LRP5: variants seen among roughly 807,000 people sequenced by gnomAD.
LRP5 encodes low-density lipoprotein receptor-related protein 5.
A neutral mutation model predicts 154.1 loss-of-function variants in LRP5; 62 were observed. That is an observed-to-expected ratio of 0.40 (90% CI 0.33 to 0.50). The LOEUF (loss-of-function observed/expected upper bound fraction) is 0.50. Ranked by LOEUF, LRP5 falls within the 20% of genes least tolerant of loss-of-function variation. LRP5 has a pLI of 0.55. For synonymous variants in LRP5, 966 were observed against 1,011.5 expected (o/e 0.96, Z 0.85); for missense variants, 1,915 against 2,336.7 (o/e 0.82, Z 3.72).
Position 68,396,912 on chromosome 11 carries a change from G to A in LRP5, c.1585-6571G>A, listed in dbSNP as rs560958829. Among the ~76,000 whole-genome samples the A allele has an allele frequency of 6.0e-4, 91 of 152,288 alleles. No homozygotes were observed. The South Asian group carries it at 6.0e-3, about 10-fold the overall frequency. ...CACCACGTGTGAAGCCCGAGTGGTCGTGGGCTGAGGTCCCCTGATTGCATC... is the reference window on the plus strand; with the variant it reads ...CACCACGTGTGAAGCCCGAGTGGTCATGGGCTGAGGTCCCCTGATTGCATC... On this transcript the variant is annotated intron_variant, in intron 7 of 22. Coordinates refer to ENST00000294304, the MANE Select transcript of LRP5 (RefSeq NM_002335.4).
At chr11:68,415,422 C>A (rs2098662008) in intron 12 of LRP5, among the ~76,000 whole-genome samples, 1 of 152,290 alleles carries the variant, frequency 6.6e-6, no homozygotes, top group Non-Finnish European at 1.5e-5. Context: ...CCATTACCTG[C>A]CTTCCGTCTT....
intron 19 of LRP5, among the ~76,000 whole-genome samples, chr11:68,437,869 C>T (rs780072880): frequency 1.3e-5 from 2 of 152,264 alleles, no homozygotes; most frequent in African/African-American, 2.4e-5. Context: ...CCAGGCCTCG[C>T]CGCCAGAGCC....
At position 68,381,786 on chromosome 11, in the gene LRP5, C is replaced by T. The variant is rs527976592; in HGVS notation, c.1016-4530C>T. 1.1e-4 allele frequency among the ~76,000 whole-genome samples: 16 copies of T among 152,346 alleles called. No individual in the cohort carries two copies. In the South Asian group the frequency reaches 3.1e-3, roughly 30 times the overall value. ...GAGTTGGCCTCTCTTCTTTATAGCC[C>T]GGCACAGTCAGTCCCCTGCACCTGC... On this transcript the variant is annotated intron_variant, in intron 5 of 22. Coordinates refer to ENST00000294304, the MANE Select transcript of LRP5 (RefSeq NM_002335.4).
intron 1 of LRP5, among the ~76,000 whole-genome samples, chr11:68,340,708 C>T (rs946146265): frequency 2.0e-5 from 3 of 151,718 alleles, no homozygotes; most frequent in Non-Finnish European, 2.9e-5. Flanking sequence ...TTGTGATGTA[C>T]GGTCCTGAAA....
chr11:68,378,302 G>A (rs1184682090), intron 5 of LRP5, among the ~76,000 whole-genome samples: 1 of 152,194 alleles, frequency 6.6e-6, no homozygotes, highest in Non-Finnish European at 1.5e-5. Flanking sequence ...TCAGGCCGCT[G>A]GGCGACGGTG....
Position 68,433,738 on chromosome 11 carries a change from C to T in LRP5, c.3900C>T (p.Ala1300=), listed in dbSNP as rs539506227. 7 of 1,612,840 alleles carry T rather than the reference C, an allele frequency of 4.3e-6. No homozygotes were observed. The highest frequency in any genetic ancestry group is 3.3e-5 in the South Asian group (3 of 91,062). The change falls in exon 18 of 23, where the codon GCC becomes GCT. Residue 1300 remains alanine, a synonymous_variant. Transcript: ENST00000294304. Reference sequence around the variant, plus strand: ...AGGAGGGCTGCCCCGTGTGCTCCGCCGCCCAGTTCCCCTGCGCGCGGGGTC... The same window carrying T: ...AGGAGGGCTGCCCCGTGTGCTCCGCTGCCCAGTTCCCCTGCGCGCGGGGTC... ...SDEEGCPVCS[A]AQFPCARGQC... is the part of the protein sequence containing the mutation.
intron 17 of LRP5, among the ~76,000 whole-genome samples, chr11:68,432,901 C>A (rs1354812710): frequency 6.6e-6 from 1 of 152,232 alleles, no homozygotes; most frequent in Non-Finnish European, 1.5e-5. Context: ...GGCAGGATGG[C>A]CTCCATGGTC....
intron 17 of LRP5, 142 bp downstream of exon 17, chr11:68,429,842 CCTTT>C: frequency 1.8e-6 from 2 of 1,086,156 alleles, no homozygotes; most frequent in Non-Finnish European, 1.4e-6. Flanking sequence ...CCTTTGCCCT[CCTTT>C]CTTTTCTACT....
intron 1 of LRP5, among the ~76,000 whole-genome samples, chr11:68,318,697 G>T (rs2098594927): frequency 6.6e-6 from 1 of 152,174 alleles, no homozygotes; most frequent in South Asian, 2.1e-4. Context: ...GAGGAAAGTG[G>T]TTTTTAGCCT....
chr11:68,307,595 C>G (rs1323361044), upstream of LRP5, among the ~76,000 whole-genome samples: 1 of 151,348 alleles, frequency 6.6e-6, no homozygotes, highest in Non-Finnish European at 1.5e-5. Context: ...GAGGTTGAGG[C>G]TGCAGTGAGC....
At chr11:68,303,021 C>T in the LRP5 span, among the ~76,000 whole-genome samples, 1 of 152,162 alleles carries the variant, frequency 6.6e-6, no homozygotes, top group South Asian at 2.1e-4. Flanking sequence ...CCTTGAGGAG[C>T]GGAGGCAGCT....
rs567564006 is a variant in LRP5, at chr11:68,339,548, G to A, written c.92-8299G>A. Among the ~76,000 whole-genome samples the A allele has an allele frequency of 3.2e-4, 49 of 151,998 alleles. No individual in the cohort carries two copies. In the South Asian group the frequency reaches 9.6e-3, roughly 30 times the overall value. ...TTTTTAGTAGAGATGGGGTTTCACC[G>A]TGTTGGCCAGGCTGGTCTCGAACTC... is the stretch of plus-strand genomic sequence containing the variant. On this transcript the variant is annotated intron_variant, in intron 1 of 22. Transcript: ENST00000294304.
At chr11:68,348,584 G>C (rs551026565) in intron 2 of LRP5, among the ~76,000 whole-genome samples, 1 of 148,970 alleles carries the variant, frequency 6.7e-6, no homozygotes, top group Admixed American at 6.7e-5. Flanking sequence ...AGCACTCGGT[G>C]TCACTCTTAA....
chr11:68,442,250 T>C (rs3781579), intron 21 of LRP5, among the ~76,000 whole-genome samples: 15,347 of 152,248 alleles, frequency 0.1, 813 homozygotes, highest in Middle Eastern at 0.18. Context: ...TGATAACGAT[T>C]CTTTCACCTT....
rs199707305 is a variant in LRP5 at position 68,403,605 on chromosome 11, G to A, written c.1707G>A (p.Glu569=). 34 of 1,614,202 alleles carry A rather than the reference G, an allele frequency of 2.1e-5. No individual in the cohort carries two copies. The East Asian group carries it at 4.0e-4, about 19-fold the overall frequency. Residue 569 remains glutamate (E), a synonymous_variant, in exon 8 of 23, where the codon GAG becomes GAA. Transcript: ENST00000294304. ...CTGACTGGCAGCGCCGCAGCATCGA[G>A]CGGGTGCACAAGGTCAAGGCCAGCC... ...YWTDWQRRSI[E]RVHKVKASRD...
At chr11:68,313,862 G>C (rs1432217095) in intron 1 of LRP5, among the ~76,000 whole-genome samples, 2 of 152,218 alleles carry the variant, frequency 1.3e-5, no homozygotes, top group Non-Finnish European at 2.9e-5. Context: ...TTTCCAGTGT[G>C]AATGGTGCAG....
At chr11:68,308,986 TGC>T, upstream of LRP5, among the ~76,000 whole-genome samples, 1 of 136,252 alleles carries the variant, frequency 7.3e-6, no homozygotes, top group Admixed American at 8.5e-5. Flanking sequence ...CTGGATGGAG[TGC>T]AGTGGCGCAA....
chr11:68,348,376 GC>G lies in LRP5; in HGVS notation c.488+134del, dbSNP rs749514293. The G allele has an allele frequency of 0.033, 37,955 of 1,138,112 alleles. 1,690 individuals are homozygous for G. Among genetic ancestry groups the G allele is most frequent in the Admixed American group, 0.13 (5,936 of 44,436 alleles). The allele number at this position is 1,138,112 out of a possible 1,614,324, so 70.5% of individuals were successfully genotyped here. On this transcript the variant is annotated intron_variant, in intron 2 of 22. Coordinates refer to ENST00000294304, the MANE Select transcript of LRP5 (RefSeq NM_002335.4). ...TGAAAATGAACCCGTGGGGGGGTTG[GC>G]TCAGGCCTGTAACCCCAGCACTCGG...
intron 5 of LRP5, among the ~76,000 whole-genome samples, chr11:68,384,563 C>T (rs1238805154): frequency 2.4e-4 from 36 of 152,156 alleles, no homozygotes; most frequent in Non-Finnish European, 1.6e-4. Context: ...CCAGCAACCT[C>T]AGGAAGGATC....
Sources: allele counts gnomAD v4.1 joint callset (sites outside exome capture counted in the v4.1 genomes callset), GRCh38; gene constraint gnomAD v4.1.1; transcripts MANE v1.5; gene names NCBI Gene and HGNC (gene_info 2026-07-23, HGNC 2026-07-21).